The following WWOX variants were observed in gnomAD, a reference collection of about 807,000 sequenced individuals.
The protein encoded by WWOX is WW domain containing oxidoreductase.
WWOX carries 69 observed loss-of-function variants against 46.2 expected under a neutral mutation model. That is an observed-to-expected ratio of 1.49 (90% CI 1.23 to 1.82). The LOEUF (loss-of-function observed/expected upper bound fraction) is 1.82. Among genes scored for constraint, WWOX ranks in the 40% most tolerant of loss-of-function variants. WWOX has a pLI of 0.00. For synonymous variants in WWOX, 359 were observed against 202.6 expected, an observed-to-expected ratio of 1.77 and a Z score of -6.56; for missense variants, 919 against 542.6, an observed-to-expected ratio of 1.69 and a Z score of -6.89.
rs146607364 is a variant in WWOX at position 78,229,983 on chromosome 16, G to T, written c.516+65694G>T. On this transcript the variant is annotated intron_variant, in intron 5 of 8. Coordinates refer to ENST00000566780, the MANE Select transcript of WWOX (RefSeq NM_016373.4). ...CAGCCTCGACCTCTGGGGCTCAAGC[G>T]ATCCTTCTGCAACAGCCTCCCTAGT... Among the ~76,000 whole-genome samples, 84 of 152,096 alleles carry T rather than the reference G, an allele frequency of 5.5e-4. 1 individual carries two copies. The East Asian group carries it at 0.015, about 27-fold the overall frequency.
Position 79,134,739 on chromosome 16 carries a change from C to T in WWOX, c.1057-76869C>T, listed in dbSNP as rs565278007. Among the ~76,000 whole-genome samples the T allele has an allele frequency of 9.2e-5, 14 of 152,296 alleles. 1 individual carries two copies. Among genetic ancestry groups the T allele is most frequent in the African/African-American group, 3.1e-4 (13 of 41,564 alleles). On this transcript the variant is annotated intron_variant, in intron 8 of 8. Transcript: ENST00000566780. ...GGCTCAGAGAAATGAAGTAACTCAG[C>T]TAAGTCTGTACAGTACTTAGCCAGG...
chr16:78,278,714 T>C, intron 5 of WWOX: 1 of 1,516,302 alleles, frequency 6.6e-7, no homozygotes, highest in South Asian at 1.2e-5. Context: ...TCTTCTTTTG[T>C]GGGTATTTCC....
rs569214539 is a variant in WWOX at position 78,206,868 on chromosome 16, C to T, written c.516+42579C>T. The stretch of plus-strand genomic sequence containing the variant: ...AAGTACGGTTTCAGACCCTTTTAGT[C>T]TTTTCTGTGTTGCAAAATTGAGATA... On this transcript the variant is annotated intron_variant, in intron 5 of 8. Coordinates refer to ENST00000566780, the MANE Select transcript of WWOX (RefSeq NM_016373.4). 2.0e-5 allele frequency among the ~76,000 whole-genome samples: 3 copies of T among 152,288 alleles called. No individual in the cohort carries two copies. The East Asian group carries it at 5.8e-4, about 29-fold the overall frequency.
chr16:78,802,939 AAAACAAC>A lies in WWOX; in HGVS notation c.1056+370193_1056+370199del, dbSNP rs1440975435. On this transcript the variant is annotated intron_variant, in intron 8 of 8. Transcript: ENST00000566780. ...TGAAAAAAAAAAAAAAAAAAAAAAA[AAAACAAC>A]AAACAGAAAAATGAACGAGTGAGTG... Among the ~76,000 whole-genome samples the A allele has an allele frequency of 5.3e-4, 51 of 95,422 alleles. 12 individuals carry two copies. The highest frequency in any genetic ancestry group is 2.0e-3 in the South Asian group (5 of 2,448). The allele number at this position is 95,422 out of a possible 152,430, so 62.6% of individuals were successfully genotyped here.
chr16:78,576,377 G>C (rs1410055590), intron 8 of WWOX, among the ~76,000 whole-genome samples: 4 of 152,140 alleles, frequency 2.6e-5, no homozygotes, highest in Non-Finnish European at 5.9e-5. Flanking sequence ...ACATAGCTTG[G>C]TTTAGCATAG....
At chr16:78,173,858 G>C (rs893039347) in intron 5 of WWOX, among the ~76,000 whole-genome samples, 19 of 152,286 alleles carry the variant, frequency 1.2e-4, no homozygotes, top group African/African-American at 4.6e-4. Context: ...TCCGAGACGA[G>C]GGTGCCAACC....
At chr16:78,852,475 G>T (rs1184507933) in intron 8 of WWOX, among the ~76,000 whole-genome samples, 1 of 152,162 alleles carries the variant, frequency 6.6e-6, no homozygotes, top group African/African-American at 2.4e-5. Flanking sequence ...AGTCAGACCA[G>T]ATTGCCAGCC....
At chr16:78,828,470 G>T (rs1013278592) in intron 8 of WWOX, among the ~76,000 whole-genome samples, 1 of 151,972 alleles carries the variant, frequency 6.6e-6, no homozygotes, top group Non-Finnish European at 1.5e-5. Flanking sequence ...TGCCTGTGGG[G>T]TGTCTACCAT....
At chr16:78,627,521 A>C (rs2046337321) in intron 8 of WWOX, among the ~76,000 whole-genome samples, 1 of 152,236 alleles carries the variant, frequency 6.6e-6, no homozygotes, top group African/African-American at 2.4e-5. Context: ...TGCCAACAAG[A>C]AGTCACCAAT....
At chr16:78,331,069 C>A (rs924412937) in intron 5 of WWOX, among the ~76,000 whole-genome samples, 2 of 152,006 alleles carry the variant, frequency 1.3e-5, no homozygotes, top group African/African-American at 4.8e-5. Flanking sequence ...GTTTCTGCCC[C>A]CCAAAAGATT....
chr16:78,135,007 AG>A (rs2033738240), intron 4 of WWOX, among the ~76,000 whole-genome samples: 1 of 152,222 alleles, frequency 6.6e-6, no homozygotes, highest in Non-Finnish European at 1.5e-5. Flanking sequence ...ATGCACAGAT[AG>A]AAAGGGTGTC....
At chr16:78,829,061 C>T (rs2051739445) in intron 8 of WWOX, among the ~76,000 whole-genome samples, 1 of 151,870 alleles carries the variant, frequency 6.6e-6, no homozygotes, top group African/African-American at 2.4e-5. Flanking sequence ...TAAGCAGAAC[C>T]ATCATAAGTC....
At chr16:78,931,726 A>T (rs1403749528) in intron 8 of WWOX, among the ~76,000 whole-genome samples, 1 of 152,232 alleles carries the variant, frequency 6.6e-6, no homozygotes, top group Non-Finnish European at 1.5e-5. Flanking sequence ...ACAGAGGACA[A>T]GACACTTGGG....
chr16:79,026,059 C>T lies in WWOX; in HGVS notation c.1057-185549C>T, dbSNP rs967086539. On this transcript the variant is annotated intron_variant, in intron 8 of 8. Coordinates refer to ENST00000566780, the MANE Select transcript of WWOX (RefSeq NM_016373.4). ...CAGGCGATCTGCCTGTCTTGGCCTC[C>T]CAAAATGCTGGGATTACAGGCATGA... 2.0e-5 allele frequency among the ~76,000 whole-genome samples: 3 copies of T among 151,498 alleles called. 1 individual carries two copies. Among genetic ancestry groups the T allele is most frequent in the African/African-American group, 7.3e-5 (3 of 40,868 alleles).
intron 8 of WWOX, chr16:78,535,303 C>T (rs544193221): frequency 1.3e-5 from 2 of 152,314 alleles, no homozygotes; most frequent in African/African-American, 4.8e-5. Context: ...TCTGGAAACG[C>T]CCTCTGTCTG....
At chr16:79,041,397 C>A (rs931134274) in intron 8 of WWOX, among the ~76,000 whole-genome samples, 1 of 152,164 alleles carries the variant, frequency 6.6e-6, no homozygotes, top group Non-Finnish European at 1.5e-5. Context: ...AAGGATTCCA[C>A]CCACCACGCC....
At chr16:78,162,769 T>C (rs570153136) in intron 4 of WWOX, among the ~76,000 whole-genome samples, 1 of 152,316 alleles carries the variant, frequency 6.6e-6, no homozygotes, top group South Asian at 2.1e-4. Flanking sequence ...CATATGTCTC[T>C]TTTGTGCTTT....
intron 8 of WWOX, among the ~76,000 whole-genome samples, chr16:78,635,346 C>G (rs1169447355): frequency 6.6e-6 from 1 of 152,148 alleles, no homozygotes; most frequent in East Asian, 1.9e-4. Flanking sequence ...GGACTTGGAT[C>G]TAGGCCACTC....
intron 8 of WWOX, among the ~76,000 whole-genome samples, chr16:79,117,359 G>A (rs779474199): frequency 2.6e-5 from 4 of 152,104 alleles, no homozygotes; most frequent in South Asian, 2.1e-4. Context: ...AGTAGGTCTC[G>A]ACAGTGGGCA....
Sources: gnomAD v4.1 joint callset for allele counts (sites outside exome capture counted in the v4.1 genomes callset) on GRCh38, gnomAD v4.1.1 for gene constraint, MANE v1.5 for transcripts, NCBI Gene and HGNC (gene_info 2026-07-23, HGNC 2026-07-21) for gene names.